BNC2: variants seen among roughly 807,000 people sequenced by gnomAD.
BNC2 encodes basonuclin zinc finger protein 2.
Under a neutral mutation model 76.3 loss-of-function variants are expected in BNC2, and 20 were observed. The ratio of observed to expected loss-of-function variants is 0.26; its 90% confidence interval spans 0.18 to 0.38. The LOEUF (loss-of-function observed/expected upper bound fraction) is 0.38. Among genes scored for constraint, BNC2 ranks in the 10% least tolerant of loss-of-function variants. BNC2 has a pLI of 1.00. For synonymous variants in BNC2, 582 were observed against 514.8 expected (o/e 1.13, Z -1.77); for missense variants, 1,382 against 1,399.8 (o/e 0.99, Z 0.20).
At chr9:16,732,457 T>C (rs1474016595) in intron 2 of BNC2, among the ~76,000 whole-genome samples, 1 of 152,208 alleles carries the variant, frequency 6.6e-6, no homozygotes, top group Non-Finnish European at 1.5e-5. Flanking sequence ...ACTGAGAAAG[T>C]ACTCTAGGAT....
chr9:16,674,511 G>C (rs1335393879), intron 3 of BNC2, among the ~76,000 whole-genome samples: 1 of 152,208 alleles, frequency 6.6e-6, no homozygotes, highest in African/African-American at 2.4e-5. Context: ...GATAGTCTCA[G>C]TGTAGGGAAG....
Position 16,436,375 on chromosome 9 carries a change from G to A in BNC2, c.1819C>T (p.Pro607Ser). 2 of 1,614,144 alleles carry A rather than the reference G, an allele frequency of 1.2e-6. No individual in the cohort carries two copies. Among genetic ancestry groups the A allele is most frequent in the Non-Finnish European group, 1.7e-6 (2 of 1,180,034 alleles). The change falls in exon 6 of 7, where the codon CCA (proline) becomes TCA (serine). Residue 607 changes from proline (P) to serine (S), a missense_variant. Transcript: ENST00000380672. ...GCTGGCACTACTGGCTCAGAGGGTG[G>A]CGGGGGGTGCTGCTCTATGGTACCA... ...TSGTIEQHPPPPSEPVVPAVM... is the reference protein window; with the variant it reads ...TSGTIEQHPPSPSEPVVPAVM...
chr9:16,560,038 C>T lies in BNC2; in HGVS notation c.434-7273G>A, dbSNP rs539538671. Among the ~76,000 whole-genome samples the T allele has an allele frequency of 5.9e-5, 9 of 152,286 alleles. No individual in the cohort carries two copies. The East Asian group carries it at 7.7e-4, about 13-fold the overall frequency. On this transcript the variant is annotated intron_variant, in intron 4 of 6. Coordinates refer to ENST00000380672, the MANE Select transcript of BNC2 (RefSeq NM_017637.6). ...GGAGGAGGAGACTACTGTAGGTAGA[C>T]GGAACTAAGGCAGTGATTCTCACTC...
chr9:16,704,350 G>A (rs1823598756), intron 3 of BNC2, among the ~76,000 whole-genome samples: 1 of 152,098 alleles, frequency 6.6e-6, no homozygotes, highest in South Asian at 2.1e-4. Context: ...TCTGCAAAAT[G>A]GATATAACTG....
At chr9:16,788,377 C>T (rs530292080) in intron 1 of BNC2, among the ~76,000 whole-genome samples, 8 of 151,838 alleles carry the variant, frequency 5.3e-5, no homozygotes, top group South Asian at 2.1e-4. Flanking sequence ...CATGGTGAAA[C>T]CCCGTCTCTA....
At chr9:16,761,804 C>G (rs574652167) in intron 1 of BNC2, among the ~76,000 whole-genome samples, 1 of 152,234 alleles carries the variant, frequency 6.6e-6, no homozygotes, top group Admixed American at 6.5e-5. Flanking sequence ...ACTCAACTGT[C>G]TTAAGTTCCA....
chr9:16,865,401 C>G (rs1819520361), intron 1 of BNC2, among the ~76,000 whole-genome samples: 1 of 152,018 alleles, frequency 6.6e-6, no homozygotes, highest in South Asian at 2.1e-4. Flanking sequence ...ACAAATACAA[C>G]CAAAACTCTC....
intron 6 of BNC2, among the ~76,000 whole-genome samples, chr9:16,425,387 G>T (rs766423061): frequency 2.0e-5 from 3 of 152,038 alleles, no homozygotes; most frequent in Non-Finnish European, 4.4e-5. Context: ...CTGCCTACAC[G>T]ACTCCCCTCT....
At chr9:16,478,428 T>C (rs1821973576) in intron 5 of BNC2, among the ~76,000 whole-genome samples, 1 of 152,216 alleles carries the variant, frequency 6.6e-6, no homozygotes, top group Non-Finnish European at 1.5e-5. Flanking sequence ...ACCACCGTAA[T>C]TCTGTTGTTA....
Position 16,778,269 on chromosome 9 carries a change from T to C in BNC2, c.4-39784A>G, listed in dbSNP as rs139034441. ...AATACTTTCTTTTTAAGGCAATAAA[T>C]GATGTTCTCTATTGGCAGAGACCCA... On this transcript the variant is annotated intron_variant, in intron 1 of 6. Transcript: ENST00000380672. Among the ~76,000 whole-genome samples the C allele has an allele frequency of 4.9e-3, 751 of 152,280 alleles. 5 individuals carry two copies. The highest frequency in any genetic ancestry group is 0.016 in the African/African-American group (660 of 41,552).
At chr9:16,678,733 T>A (rs1301242298) in intron 3 of BNC2, among the ~76,000 whole-genome samples, 2 of 152,142 alleles carry the variant, frequency 1.3e-5, no homozygotes, top group Non-Finnish European at 2.9e-5. Flanking sequence ...AGGAATGGCT[T>A]TTATTTTACA....
chr9:16,517,076 C>CT (rs1158600691), intron 5 of BNC2, among the ~76,000 whole-genome samples: 1 of 152,210 alleles, frequency 6.6e-6, no homozygotes, highest in African/African-American at 2.4e-5. Flanking sequence ...TCTAAACTGA[C>CT]TGAGGTTTTG....
chr9:16,681,169 T>C (rs1009459623), intron 3 of BNC2, among the ~76,000 whole-genome samples: 4 of 152,178 alleles, frequency 2.6e-5, no homozygotes, highest in African/African-American at 7.2e-5. Context: ...AGGAAACTCT[T>C]AGCACTCCCA....
intron 3 of BNC2, among the ~76,000 whole-genome samples, chr9:16,652,627 T>C (rs1821823999): frequency 1.3e-5 from 2 of 152,210 alleles, no homozygotes; most frequent in South Asian, 2.1e-4. Context: ...GGAGAGGTTT[T>C]TACACCCTAA....
rs577779430 is a variant in BNC2 at position 16,562,453 on chromosome 9, G to A, written c.434-9688C>T. ...TAGAACACACTGAATAAAAGGTGTG[G>A]ATAGAAATGTTACCTAATTTCTTTC... On this transcript the variant is annotated intron_variant, in intron 4 of 6. Transcript: ENST00000380672. Among the ~76,000 whole-genome samples the A allele has an allele frequency of 2.0e-5, 3 of 152,256 alleles. No individual in the cohort carries two copies. In the South Asian group the frequency reaches 6.2e-4, roughly 32 times the overall value.
chr9:16,672,451 C>T (rs1337823170), intron 3 of BNC2, among the ~76,000 whole-genome samples: 1 of 152,028 alleles, frequency 6.6e-6, no homozygotes, highest in African/African-American at 2.4e-5. Flanking sequence ...GAGCAGAGAT[C>T]GTGCCACTGC....
intron 4 of BNC2, among the ~76,000 whole-genome samples, chr9:16,568,061 C>T (rs1268820901): frequency 6.6e-6 from 1 of 152,100 alleles, no homozygotes; most frequent in African/African-American, 2.4e-5. Flanking sequence ...TGGGAGAAAG[C>T]CAAGTGAGCC....
chr9:16,555,665 C>G (rs529482252), intron 4 of BNC2, among the ~76,000 whole-genome samples: 69 of 152,152 alleles, frequency 4.5e-4, no homozygotes, highest in African/African-American at 1.6e-3. Context: ...CATGGTGGCG[C>G]CCACCTGTGG....
intron 3 of BNC2, among the ~76,000 whole-genome samples, chr9:16,616,480 T>C (rs569453727): frequency 1.8e-4 from 27 of 151,972 alleles, no homozygotes; most frequent in African/African-American, 6.3e-4. Flanking sequence ...GTGGATCACT[T>C]GAGCCCAGGA....
Sources: allele counts gnomAD v4.1 joint callset (sites outside exome capture counted in the v4.1 genomes callset), GRCh38; gene constraint gnomAD v4.1.1; transcripts MANE v1.5; gene names NCBI Gene and HGNC (gene_info 2026-07-23, HGNC 2026-07-21).